The following TMCC1 variants were observed in gnomAD, a reference collection of about 807,000 sequenced individuals.
The protein encoded by TMCC1 is transmembrane and coiled-coil domains protein 1.
Under a neutral mutation model 52.4 loss-of-function variants are expected in TMCC1, and 15 were observed. The observed-to-expected ratio is 0.29, with a 90% confidence interval of 0.19 to 0.44. The LOEUF (loss-of-function observed/expected upper bound fraction) is 0.44. TMCC1 is among the 20% of genes least tolerant of loss of function. The probability of loss-of-function intolerance (pLI) is 1.00; values close to 1 mark genes in which losing one functional copy is unlikely to be tolerated. For synonymous variants in TMCC1, 279 were observed against 301.9 expected (o/e 0.92, Z 0.79); for missense variants, 503 against 806.0 (o/e 0.62, Z 4.55).
chr3:129,846,540 CA>C (rs2059673055), intron 2 of TMCC1, among the ~76,000 whole-genome samples: 1 of 152,090 alleles, frequency 6.6e-6, no homozygotes. Flanking sequence ...TTATAAGGAG[CA>C]ACATTTTTCC....
chr3:129,730,548 G>A (rs6439196), intron 4 of TMCC1, among the ~76,000 whole-genome samples: 150,128 of 152,328 alleles, frequency 0.99, 74,020 homozygotes, highest in East Asian at 1. Context: ...CCTCATCTTG[G>A]TTACTGTAGC....
intron 4 of TMCC1, among the ~76,000 whole-genome samples, chr3:129,827,143 A>C (rs1335105285): frequency 6.6e-6 from 1 of 152,230 alleles, no homozygotes; most frequent in Non-Finnish European, 1.5e-5. Context: ...CTGCATGGCT[A>C]CGCGTACCTG....
intron 4 of TMCC1, among the ~76,000 whole-genome samples, chr3:129,750,035 T>C (rs1016511109): frequency 1.3e-5 from 2 of 152,242 alleles, no homozygotes; most frequent in African/African-American, 2.4e-5. Flanking sequence ...TGCATTATTA[T>C]GCATTTTTAA....
At chr3:129,671,796 C>T (rs1348450092) in intron 4 of TMCC1, among the ~76,000 whole-genome samples, 4 of 152,044 alleles carry the variant, frequency 2.6e-5, no homozygotes, top group African/African-American at 9.7e-5. Flanking sequence ...TGATTTTTAT[C>T]CAAATCATGT....
rs532967130 is a variant in TMCC1, at chr3:129,650,573, C to T, written c.*908G>A. ...ATTTCTTCATTTAAAAACATCACTTCTTTATTTCAAAGGAAAAATAAAAGA... is the reference window on the plus strand; with the variant it reads ...ATTTCTTCATTTAAAAACATCACTTTTTTATTTCAAAGGAAAAATAAAAGA... On this transcript the variant is annotated 3_prime_UTR_variant, in exon 7 of 7. Transcript: ENST00000393238. 1.3e-5 allele frequency: 2 copies of T among 152,646 alleles called. No homozygotes were observed. Among genetic ancestry groups the T allele is most frequent in the African/African-American group, 4.8e-5 (2 of 41,526 alleles). 9.5% of individuals were successfully genotyped at this position (152,646 alleles called of 1,614,324 possible).
intron 2 of TMCC1, among the ~76,000 whole-genome samples, chr3:129,877,624 CTTTTT>C (rs760525326): frequency 1.6e-5 from 2 of 126,920 alleles, no homozygotes; most frequent in Admixed American, 1.6e-4. Context: ...ATCCCTAAGT[CTTTTT>C]TTTTTTTTTT....
chr3:129,670,230 C>T (rs1408442855), intron 5 of TMCC1, 100 bp downstream of exon 5: 6 of 1,309,720 alleles, frequency 4.6e-6, no homozygotes, highest in Non-Finnish European at 6.3e-6. Context: ...GCTCTGGACA[C>T]TCTAGAGAAA....
chr3:129,863,588 G>C (rs1036747561), intron 2 of TMCC1, among the ~76,000 whole-genome samples: 1 of 152,144 alleles, frequency 6.6e-6, no homozygotes. Context: ...GAGGCCAGGC[G>C]CAGTGGCTCA....
At chr3:129,783,398 A>C (rs926203413) in intron 4 of TMCC1, among the ~76,000 whole-genome samples, 1 of 152,328 alleles carries the variant, frequency 6.6e-6, no homozygotes, top group Non-Finnish European at 1.5e-5. Context: ...GTTAGAACAC[A>C]GAAAACTTTC....
In TMCC1 at chr3:129,648,039, T is replaced by A. The variant is rs2086123972; in HGVS notation, c.*3442A>T. ...TCTAGTAGTCAATCCCTACTGAGGATATCACCTAGCATACACGACATACAG... is the reference window on the plus strand; with the variant it reads ...TCTAGTAGTCAATCCCTACTGAGGAAATCACCTAGCATACACGACATACAG... On this transcript the variant is annotated 3_prime_UTR_variant, in exon 7 of 7. Coordinates refer to ENST00000393238, the MANE Select transcript of TMCC1 (RefSeq NM_001017395.5). The A allele has an allele frequency of 1.3e-5, 2 of 152,656 alleles. No individual in the cohort carries two copies. Among genetic ancestry groups the A allele is most frequent in the Non-Finnish European group, 2.9e-5 (2 of 68,042 alleles). The allele number at this position is 152,656 out of a possible 1,614,324, so 9.5% of individuals were successfully genotyped here. A position where few individuals can be genotyped will look rare whatever the true frequency, so the allele number is the denominator to read the frequency against.
chr3:129,759,553 C>A (rs899395880), intron 4 of TMCC1, among the ~76,000 whole-genome samples: 1 of 150,804 alleles, frequency 6.6e-6, no homozygotes, highest in African/African-American at 2.4e-5. Flanking sequence ...TAGGCATGAG[C>A]CACCATGCCA....
intron 5 of TMCC1, among the ~76,000 whole-genome samples, chr3:129,664,112 C>T (rs769892766): frequency 3.9e-5 from 6 of 152,096 alleles, no homozygotes; most frequent in South Asian, 2.1e-4. Flanking sequence ...AGATTGTATA[C>T]GTCATATTTC....
chr3:129,850,880 G>A (rs1022020356), intron 2 of TMCC1, among the ~76,000 whole-genome samples: 2 of 152,256 alleles, frequency 1.3e-5, no homozygotes, highest in Non-Finnish European at 2.9e-5. Context: ...TCTGCAGCAG[G>A]AGCATGTCCT....
intron 4 of TMCC1, among the ~76,000 whole-genome samples, chr3:129,736,026 C>A (rs1253208066): frequency 6.6e-6 from 1 of 152,172 alleles, no homozygotes; most frequent in Non-Finnish European, 1.5e-5. Context: ...GTACTTTGGC[C>A]AGAGTAGAAA....
intron 2 of TMCC1, among the ~76,000 whole-genome samples, chr3:129,835,978 T>TA (rs143060062): frequency 2.0e-5 from 3 of 151,496 alleles, no homozygotes; most frequent in South Asian, 2.1e-4. Context: ...AATCAATTTT[T>TA]AAAAAAAAAT....
At chr3:129,849,182 G>T (rs2059798092) in intron 2 of TMCC1, among the ~76,000 whole-genome samples, 1 of 152,140 alleles carries the variant, frequency 6.6e-6, no homozygotes, top group Non-Finnish European at 1.5e-5. Context: ...CTCTATATCG[G>T]CTGGGTGCAG....
intron 5 of TMCC1, among the ~76,000 whole-genome samples, chr3:129,662,187 G>C (rs1307715234): frequency 6.6e-6 from 1 of 152,102 alleles, no homozygotes; most frequent in African/African-American, 2.4e-5. Flanking sequence ...AGGAGATGGT[G>C]GGTGGGTGGG....
chr3:129,679,048 C>T (rs1350497966), intron 4 of TMCC1, among the ~76,000 whole-genome samples: 3 of 152,174 alleles, frequency 2.0e-5, no homozygotes, highest in Non-Finnish European at 4.4e-5. Flanking sequence ...TACACCTGCA[C>T]CACTACATCC....
intron 4 of TMCC1, among the ~76,000 whole-genome samples, chr3:129,789,681 C>T (rs534258914): frequency 3.2e-4 from 49 of 152,216 alleles, no homozygotes; most frequent in African/African-American, 1.1e-3. Context: ...GGGGTTTCAC[C>T]GTGTTAGCCA....
Sources: gnomAD v4.1 joint callset for allele counts (sites outside exome capture counted in the v4.1 genomes callset) on GRCh38, gnomAD v4.1.1 for gene constraint, MANE v1.5 for transcripts, NCBI Gene and HGNC (gene_info 2026-07-23, HGNC 2026-07-21) for gene names.